RARB: variants seen among roughly 807,000 people sequenced by gnomAD.
The protein encoded by RARB is HBV-activated protein.
In RARB, 17 loss-of-function variants were observed where a neutral mutation model predicts 51.9. The observed-to-expected ratio is 0.33, with a 90% confidence interval of 0.22 to 0.49. RARB has a LOEUF of 0.49. Ranked by LOEUF, RARB falls within the 20% of genes least tolerant of loss-of-function variation. The pLI, the probability that RARB is intolerant of heterozygous loss-of-function variation, is 0.99. For missense variants in RARB, 369 were observed against 550.8 expected (o/e 0.67, Z 3.30); for synonymous variants, 215 against 195.4 (o/e 1.10, Z -0.84).
At chr3:25,450,921 C>T (rs2125541821) in intron 1 of RARB, among the ~76,000 whole-genome samples, 1 of 152,174 alleles carries the variant, frequency 6.6e-6, no homozygotes, top group South Asian at 2.1e-4. Flanking sequence ...CCGGTTTCCA[C>T]TAAAAATACA....
chr3:24,847,870 G>A (rs1702504383), intron 1 of RARB, among the ~76,000 whole-genome samples: 1 of 152,186 alleles, frequency 6.6e-6, no homozygotes, highest in Non-Finnish European at 1.5e-5. Context: ...TGAGTAGCAA[G>A]GCAGTAGAGC....
Position 25,302,197 on chromosome 3 carries a change from A to T in RARB, c.178+127622A>T, listed in dbSNP as rs115473885. Among the ~76,000 whole-genome samples the T allele has an allele frequency of 2.6e-3, 401 of 152,344 alleles. 1 individual carries two copies. The highest frequency in any genetic ancestry group is 9.0e-3 in the African/African-American group (376 of 41,584). On this transcript the variant is annotated intron_variant, in intron 5 of 11. Coordinates refer to the RARB transcript ENST00000383772. The stretch of plus-strand genomic sequence containing the variant: ...GCTAGTGAAATTATAAAATGCTGCA[A>T]TAGCTTTGGAAAACAGTCTGGCATT...
chr3:25,316,891 C>A (rs1304679231), intron 5 of RARB, among the ~76,000 whole-genome samples: 1 of 152,122 alleles, frequency 6.6e-6, no homozygotes, highest in Non-Finnish European at 1.5e-5. Context: ...AAGAAACTAT[C>A]CAGTTAACCG....
In RARB at chr3:25,500,454, G is replaced by GTTTTTTTTTTTTTTTTTTTT. The variant is rs753321842; in HGVS notation, c.307-720_307-701dup. ...ATAATTTCTTTTTCTTTCTTTTCTTGTTTTTTTTTTTTTTTTTTTTTTTTT... is the reference window on the plus strand; with the variant it reads ...ATAATTTCTTTTTCTTTCTTTTCTTGTTTTTTTTTTTTTTTTTTTTTTTTTTTTTTTTTTTTTTTTTTTTT... On this transcript the variant is annotated intron_variant, in intron 2 of 7. Coordinates refer to ENST00000330688, the MANE Select transcript of RARB (RefSeq NM_000965.5). Among the ~76,000 whole-genome samples the GTTTTTTTTTTTTTTTTTTTT allele has an allele frequency of 1.3e-3, 83 of 66,128 alleles. 3 individuals carry two copies. Among genetic ancestry groups the GTTTTTTTTTTTTTTTTTTTT allele is most frequent in the African/African-American group, 1.5e-3 (27 of 17,692 alleles). 43.4% of individuals were successfully genotyped at this position (66,128 alleles called of 152,430 possible).
At chr3:25,336,254 A>T (rs1023059176) in intron 5 of RARB, among the ~76,000 whole-genome samples, 1 of 152,206 alleles carries the variant, frequency 6.6e-6, no homozygotes, top group Non-Finnish European at 1.5e-5. Context: ...TTTCTTTCTT[A>T]CACCTTTTCT....
At chr3:25,170,029 T>C (rs79104861) in intron 4 of RARB, among the ~76,000 whole-genome samples, 12,677 of 149,894 alleles carry the variant, frequency 0.085, 703 homozygotes, top group Non-Finnish European at 0.13. Flanking sequence ...AAAAAAGAAA[T>C]TGAAGTACTT....
intron 2 of RARB, among the ~76,000 whole-genome samples, chr3:24,986,721 CAG>C (rs1174030598): frequency 4.4e-4 from 67 of 152,238 alleles, no homozygotes; most frequent in Middle Eastern, 6.8e-3. Context: ...GTTCAAATAA[CAG>C]ATGTTATTTT....
intron 2 of RARB, among the ~76,000 whole-genome samples, chr3:24,898,531 A>G (rs1703527879): frequency 6.6e-6 from 1 of 152,108 alleles, no homozygotes; most frequent in Non-Finnish European, 1.5e-5. Flanking sequence ...GCAATGTTTG[A>G]AAAATAACCT....
At chr3:25,128,543 A>T (rs1179605566) in intron 3 of RARB, among the ~76,000 whole-genome samples, 1 of 151,272 alleles carries the variant, frequency 6.6e-6, no homozygotes, top group Non-Finnish European at 1.5e-5. Flanking sequence ...GGGGACATGG[A>T]ATCCTACACA....
chr3:25,560,284 G>A (rs1700220191), intron 3 of RARB, among the ~76,000 whole-genome samples: 1 of 152,134 alleles, frequency 6.6e-6, no homozygotes, highest in African/African-American at 2.4e-5. Flanking sequence ...AACTAACTAT[G>A]TGATATAAAC....
chr3:25,515,338 C>G lies in RARB; in HGVS notation c.448+14015C>G, dbSNP rs796230671. 4.6e-5 allele frequency among the ~76,000 whole-genome samples: 7 copies of G among 152,278 alleles called. 1 individual carries two copies. The highest frequency in any genetic ancestry group is 1.7e-4 in the African/African-American group (7 of 41,542). On this transcript the variant is annotated intron_variant, in intron 3 of 7. Transcript: ENST00000330688. ...ATGTGTGGCTTGTGGAAGTATAAATCAAGCCAAAGTTTGGAAAACTCTTTG... is the reference window on the plus strand; with the variant it reads ...ATGTGTGGCTTGTGGAAGTATAAATGAAGCCAAAGTTTGGAAAACTCTTTG...
At chr3:25,265,487 T>A (rs953541056) in intron 5 of RARB, among the ~76,000 whole-genome samples, 33 of 152,136 alleles carry the variant, frequency 2.2e-4, no homozygotes, top group Admixed American at 2.0e-3. Context: ...GTTGTCATTG[T>A]TTTGAGACAG....
At chr3:25,198,708 T>C (rs1701308617) in intron 5 of RARB, among the ~76,000 whole-genome samples, 1 of 152,078 alleles carries the variant, frequency 6.6e-6, no homozygotes, top group Non-Finnish European at 1.5e-5. Context: ...TTACTGAGCA[T>C]CAGAGAAATG....
At chr3:25,420,018 C>A (rs947840539) in intron 5 of RARB, among the ~76,000 whole-genome samples, 2 of 151,980 alleles carry the variant, frequency 1.3e-5, no homozygotes, top group Non-Finnish European at 2.9e-5. Flanking sequence ...GGGTTTATAC[C>A]CTGATGTTTG....
intron 1 of RARB, among the ~76,000 whole-genome samples, chr3:25,440,626 C>G (rs1708629008): frequency 6.6e-6 from 1 of 151,818 alleles, no homozygotes. Flanking sequence ...CAACAATTAG[C>G]TGGGCGTGGT....
intron 5 of RARB, among the ~76,000 whole-genome samples, chr3:25,367,839 C>T (rs1396980858): frequency 7.8e-6 from 1 of 128,228 alleles, no homozygotes; most frequent in African/African-American, 2.9e-5. Flanking sequence ...AAAAACAAAA[C>T]AAAAGAAATA....
chr3:24,885,307 G>A lies in RARB; in HGVS notation c.-380+26555G>A, dbSNP rs1260918180. Among the ~76,000 whole-genome samples the A allele has an allele frequency of 3.9e-5, 6 of 152,034 alleles. No homozygotes were observed. In the East Asian group the frequency reaches 1.2e-3, roughly 29 times the overall value. On this transcript the variant is annotated intron_variant, in intron 2 of 11. Coordinates refer to the RARB transcript ENST00000383772. ...TGAAATGGGATGCCTTTGGGAATTT[G>A]GTAATTTCCAGTTTGTCAATGGAAT...
intron 5 of RARB, among the ~76,000 whole-genome samples, chr3:25,405,586 A>G (rs1050249956): frequency 5.3e-5 from 8 of 152,372 alleles, no homozygotes; most frequent in Admixed American, 5.2e-4. Flanking sequence ...GGAATGCCAC[A>G]GTAAACACTC....
At chr3:25,350,650 C>T (rs1705536968) in intron 5 of RARB, among the ~76,000 whole-genome samples, 1 of 152,220 alleles carries the variant, frequency 6.6e-6, no homozygotes. Context: ...CACTCGGTCT[C>T]TTTTGCTCTA....
Sources: gnomAD v4.1 joint callset for allele counts (sites outside exome capture counted in the v4.1 genomes callset) on GRCh38, gnomAD v4.1.1 for gene constraint, MANE v1.5 for transcripts, NCBI Gene and HGNC (gene_info 2026-07-23, HGNC 2026-07-21) for gene names.